The following TMEM54 variants were observed in gnomAD, a reference collection of about 807,000 sequenced individuals.
TMEM54 encodes the protein beta-casein-like protein.
A neutral mutation model predicts 21.3 loss-of-function variants in TMEM54; 21 were observed. The ratio of observed to expected loss-of-function variants is 0.99; its 90% CI spans 0.70 to 1.42. The LOEUF is 1.42. Among genes scored for constraint, TMEM54 ranks in the 40% most tolerant of loss-of-function variants. The pLI, the probability that TMEM54 is intolerant of heterozygous loss-of-function variation, is 0.00. For missense variants in TMEM54, 246 were observed against 294.0 expected, an observed-to-expected ratio of 0.84 and a Z score of 1.19; for synonymous variants, 109 against 125.0, an observed-to-expected ratio of 0.87 and a Z score of 0.86.
chr1:32,895,599 G>A lies in TMEM54; in HGVS notation c.415C>T (p.Leu139=), dbSNP rs1041966653. 1.4e-5 allele frequency: 22 copies of A among 1,580,766 alleles called. No individual in the cohort carries two copies. The highest frequency in any genetic ancestry group is 1.9e-5 in the Non-Finnish European group (22 of 1,163,188). The change falls in exon 4 of 6, where the codon CTG becomes TTG. Residue 139 remains leucine, a synonymous_variant. Coordinates refer to ENST00000373463, the MANE Select transcript of TMEM54 (RefSeq NM_033504.4). This position sits in a 1 kb window ranked among gnomAD's most constrained non-coding sequence, Gnocchi z 5.8. ...AACTFGSSEL[L]ALAPDCPFDP... is the part of the protein sequence containing the mutation. ...AAGGGACAGTCAGGTGCGAGGGCCA[G>A]TAGTTCAGAGCTCCCAAAAGTGCAG...
intron 1 of TMEM54, among the ~76,000 whole-genome samples, chr1:32,898,763 T>G (rs1641658764): frequency 6.6e-6 from 1 of 152,122 alleles, no homozygotes; most frequent in Admixed American, 6.5e-5. Context: ...GAGCCAGAGT[T>G]CATTGGGCAG....
chr1:32,897,813 A>C lies in TMEM54; in HGVS notation c.210+313T>G. The C allele has an allele frequency of 4.1e-6, 1 of 244,522 alleles. No homozygotes were observed. The highest frequency in any genetic ancestry group is 8.0e-6 in the Non-Finnish European group (1 of 125,496). 15.1% of individuals were successfully genotyped at this position (244,522 alleles called of 1,614,324 possible). ...TCTTCTGTCCAGTGGTGCTGTGGCT[A>C]TTCCTCGATGTAATAATCATCCTAG... On this transcript the variant is annotated intron_variant, in intron 2 of 5. Coordinates refer to ENST00000373463, the MANE Select transcript of TMEM54 (RefSeq NM_033504.4). The surrounding 1 kb of genome is among the most constrained non-coding windows in gnomAD (Gnocchi z 4.9).
chr1:32,895,160 G>C lies in TMEM54; in HGVS notation c.594+145C>G. The C allele has an allele frequency of 7.8e-7, 1 of 1,273,902 alleles. No homozygotes were observed. The highest frequency in any genetic ancestry group is 1.1e-6 in the Non-Finnish European group (1 of 940,758). 78.9% of individuals were successfully genotyped at this position (1,273,902 alleles called of 1,614,324 possible). On this transcript the variant is annotated intron_variant, in intron 5 of 5. Coordinates refer to ENST00000373463, the MANE Select transcript of TMEM54 (RefSeq NM_033504.4). This position sits in a 1 kb window ranked among gnomAD's most constrained non-coding sequence, Gnocchi z 5.8. ...AGATCTCACCTCTCCCAGCCTCCAGGCCTCTCCCTTTGCTCCTGGGGAGAA... is the reference window on the plus strand; with the variant it reads ...AGATCTCACCTCTCCCAGCCTCCAGCCCTCTCCCTTTGCTCCTGGGGAGAA...
At chr1:32,900,661 C>A (rs1038935852) in intron 1 of TMEM54, among the ~76,000 whole-genome samples, 3 of 152,228 alleles carry the variant, frequency 2.0e-5, no homozygotes, top group Non-Finnish European at 4.4e-5. Flanking sequence ...AACTGAGGCT[C>A]ACAAGGTCTC....
chr1:32,897,960 A>G lies in TMEM54; in HGVS notation c.210+166T>C. On this transcript the variant is annotated intron_variant, in intron 2 of 5. Coordinates refer to ENST00000373463, the MANE Select transcript of TMEM54 (RefSeq NM_033504.4). This position sits in a 1 kb window ranked among gnomAD's most constrained non-coding sequence, Gnocchi z 4.9. Reference sequence around the variant, plus strand: ...TAAACACTGTTACCATCTCCATTTGATAGATGAAGAAGTTGAGTGACTTGG... The same window carrying G: ...TAAACACTGTTACCATCTCCATTTGGTAGATGAAGAAGTTGAGTGACTTGG... 1.6e-6 allele frequency: 1 copy of G among 608,878 alleles called. No homozygotes were observed. The highest frequency in any genetic ancestry group is 2.9e-6 in the Non-Finnish European group (1 of 342,430). The allele number at this position is 608,878 out of a possible 1,614,324, so 37.7% of individuals were successfully genotyped here. A position where few individuals can be genotyped will look rare whatever the true frequency, so the allele number is the denominator to read the frequency against.
At position 32,896,637 on chromosome 1, in the gene TMEM54, G is replaced by A. The variant is rs904859227; in HGVS notation, c.211-668C>T. On this transcript the variant is annotated intron_variant, in intron 2 of 5. Transcript: ENST00000373463. This position sits in a 1 kb window ranked among gnomAD's most constrained non-coding sequence, Gnocchi z 4.1. ...TCCCTAACCAGCCTCGATCCCAAGG[G>A]GTGGGGCTACCCCACAGTTCAGCCC... Among the ~76,000 whole-genome samples, 2 of 152,198 alleles carry A rather than the reference G, an allele frequency of 1.3e-5. No individual in the cohort carries two copies. Among genetic ancestry groups the A allele is most frequent in the African/African-American group, 4.8e-5 (2 of 41,456 alleles).
intron 1 of TMEM54, among the ~76,000 whole-genome samples, chr1:32,899,738 C>G (rs1248579274): frequency 6.6e-6 from 1 of 152,194 alleles, no homozygotes; most frequent in African/African-American, 2.4e-5. Context: ...ACTGGACGCT[C>G]TGGGACATCT....
Position 32,895,922 on chromosome 1 carries a change from A to C in TMEM54, c.258T>G (p.Pro86=), listed in dbSNP as rs1641586637. The change falls in exon 3 of 6, where the codon CCT becomes CCG. Residue 86 remains proline (P), a synonymous_variant. Transcript: ENST00000373463. The surrounding 1 kb of genome is among the most constrained non-coding windows in gnomAD (Gnocchi z 5.8). ...AGGCACCACGTACCAGGGGGGTGCTAGGGAGGTAGCGTGACAACACGATGG... is the reference window on the plus strand; with the variant it reads ...AGGCACCACGTACCAGGGGGGTGCTCGGGAGGTAGCGTGACAACACGATGG... The part of the protein sequence containing the change: ...IAAIVLSRYL[P]STPLRWTVFS... 3 of 1,613,028 alleles carry C rather than the reference A, an allele frequency of 1.9e-6. No homozygotes were observed. In the Admixed American group the frequency reaches 5.0e-5, roughly 27 times the overall value.
intron 2 of TMEM54, 67 bp downstream of exon 2, chr1:32,898,059 C>A: frequency 6.9e-7 from 1 of 1,456,192 alleles, no homozygotes; most frequent in Non-Finnish European, 9.4e-7. Context: ...TGGGTGGGGA[C>A]CTGTTGAAGA....
Position 32,894,846 on chromosome 1 carries a change from C to CACGGCCCTCCACCAGCTCTGGGT in TMEM54, c.605_627dup (p.Asp210ThrfsTer11). 6.2e-7 allele frequency: 1 copy of CACGGCCCTCCACCAGCTCTGGGT among 1,612,266 alleles called. No individual in the cohort carries two copies. The highest frequency in any genetic ancestry group is 8.5e-7 in the Non-Finnish European group (1 of 1,178,532). On this transcript the variant is annotated frameshift_variant, in exon 6 of 6. Coordinates refer to ENST00000373463, the MANE Select transcript of TMEM54 (RefSeq NM_033504.4). LOFTEE classifies it high-confidence loss of function. ...TCAGAGCTGGTGCAGCTCAGCAGGT[C>CACGGCCCTCCACCAGCTCTGGGT]ACGGCCCTCCACCAGCTCTGGGTTC...
chr1:32,896,068 C>T lies in TMEM54; in HGVS notation c.211-99G>A. On this transcript the variant is annotated intron_variant, in intron 2 of 5. Coordinates refer to ENST00000373463, the MANE Select transcript of TMEM54 (RefSeq NM_033504.4). This position sits in a 1 kb window ranked among gnomAD's most constrained non-coding sequence, Gnocchi z 4.1. ...GGATAATGATCTCACCGGCGCCAACCATTGCCCTCCAGACTCCCCCACCCC... is the reference window on the plus strand; with the variant it reads ...GGATAATGATCTCACCGGCGCCAACTATTGCCCTCCAGACTCCCCCACCCC... The T allele has an allele frequency of 7.5e-7, 1 of 1,330,128 alleles. No homozygotes were observed. Among genetic ancestry groups the T allele is most frequent in the Non-Finnish European group, 1.0e-6 (1 of 976,656 alleles). The allele number at this position is 1,330,128 out of a possible 1,614,324, so 82.4% of individuals were successfully genotyped here. A position where few individuals can be genotyped will look rare whatever the true frequency, so the allele number is the denominator to read the frequency against.
rs975908047 is a variant in TMEM54, at chr1:32,901,028, G to T, written c.16+195C>A. Among the ~76,000 whole-genome samples the T allele has an allele frequency of 6.6e-6, 1 of 152,202 alleles. No homozygotes were observed. Among genetic ancestry groups the T allele is most frequent in the African/African-American group, 2.4e-5 (1 of 41,460 alleles). Reference sequence around the variant, plus strand: ...CAGCCACATCGAGAAGACACCCGCAGCGCTCCTCCCCTCCATTTCACTGCT... The same window carrying T: ...CAGCCACATCGAGAAGACACCCGCATCGCTCCTCCCCTCCATTTCACTGCT... On this transcript the variant is annotated intron_variant, in intron 1 of 5. Coordinates refer to ENST00000373463, the MANE Select transcript of TMEM54 (RefSeq NM_033504.4). This position sits in a 1 kb window ranked among gnomAD's most constrained non-coding sequence, Gnocchi z 4.2.
At position 32,897,933 on chromosome 1, in the gene TMEM54, G is replaced by C; in HGVS notation, c.210+193C>G. The C allele has an allele frequency of 1.8e-6, 1 of 566,774 alleles. No individual in the cohort carries two copies. The highest frequency in any genetic ancestry group is 3.2e-6 in the Non-Finnish European group (1 of 314,438). 35.1% of individuals were successfully genotyped at this position (566,774 alleles called of 1,614,324 possible). ...ATCAGTACCCATTAGGACCCTCAGAGGTAAACACTGTTACCATCTCCATTT... is the reference window on the plus strand; with the variant it reads ...ATCAGTACCCATTAGGACCCTCAGACGTAAACACTGTTACCATCTCCATTT... On this transcript the variant is annotated intron_variant, in intron 2 of 5. Coordinates refer to ENST00000373463, the MANE Select transcript of TMEM54 (RefSeq NM_033504.4). This position sits in a 1 kb window ranked among gnomAD's most constrained non-coding sequence, Gnocchi z 4.9.
At chr1:32,894,995 G>T (rs1641550811) in intron 5 of TMEM54, 116 bp from the exon 6 acceptor site, 2 of 1,495,420 alleles carry the variant, frequency 1.3e-6, no homozygotes, top group African/African-American at 2.8e-5. Context: ...GGGCAAAGGG[G>T]CATCACTACC....
rs1183277026 is a variant in TMEM54 at position 32,894,668 on chromosome 1, A to G, written c.*137T>C. ...TGCAGTGGGCTGGGTGGTGGGGGAG[A>G]GGGTTGAAAGCCCCACTTGGGTCCC... On this transcript the variant is annotated 3_prime_UTR_variant, in exon 6 of 6. Coordinates refer to ENST00000373463, the MANE Select transcript of TMEM54 (RefSeq NM_033504.4). The G allele has an allele frequency of 1.3e-5, 14 of 1,110,826 alleles. No homozygotes were observed. Among genetic ancestry groups the G allele is most frequent in the Non-Finnish European group, 1.5e-5 (12 of 776,118 alleles). 68.8% of individuals were successfully genotyped at this position (1,110,826 alleles called of 1,614,324 possible). A position where few individuals can be genotyped will look rare whatever the true frequency, so the allele number is the denominator to read the frequency against.
Position 32,895,392 on chromosome 1 carries a change from C to G in TMEM54, c.507G>C (p.Ala169=), listed in dbSNP as rs200781061. Residue 169 remains alanine, a synonymous_variant, in exon 5 of 6, where the codon GCG becomes GCC. Transcript: ENST00000373463. This position sits in a 1 kb window ranked among gnomAD's most constrained non-coding sequence, Gnocchi z 5.8. ...CACAGCGTACAGCAAACACGTTCTC[C>G]GCCACGCAGAGCACTAGGGCGATGC... is the stretch of plus-strand genomic sequence containing the variant. ...LWGIALVLCV[A]ENVFAVRCAQ... 1 of 1,614,040 alleles carries G rather than the reference C, an allele frequency of 6.2e-7. No homozygotes were observed. Among genetic ancestry groups the G allele is most frequent in the Non-Finnish European group, 8.5e-7 (1 of 1,179,950 alleles).
chr1:32,901,324 G>A lies in TMEM54; in HGVS notation c.-86C>T. 1 of 1,166,074 alleles carries A rather than the reference G, an allele frequency of 8.6e-7. No homozygotes were observed. The highest frequency in any genetic ancestry group is 4.2e-5 in the South Asian group (1 of 23,910). The allele number at this position is 1,166,074 out of a possible 1,614,324, so 72.2% of individuals were successfully genotyped here. A position where few individuals can be genotyped will look rare whatever the true frequency, so the allele number is the denominator to read the frequency against. ...GGGGGACCCTGCTCCCATCCCGCTG[G>A]CCCGTCGCCCGCGCGCCCCGCACCG... On this transcript the variant is annotated 5_prime_UTR_variant, in exon 1 of 6. Coordinates refer to ENST00000373463, the MANE Select transcript of TMEM54 (RefSeq NM_033504.4). This position sits in a 1 kb window ranked among gnomAD's most constrained non-coding sequence, Gnocchi z 4.2.
chr1:32,898,275 C>T lies in TMEM54; in HGVS notation c.61G>A (p.Gly21Ser), dbSNP rs1487016185. Residue 21 changes from glycine to serine, a missense_variant, in exon 2 of 6, where the codon GGC becomes AGC. By Grantham distance (56) the Gly-to-Ser change is moderately conservative. Transcript: ENST00000373463. Reference protein sequence around the residue: ...GDFRKVLMKTGLVLVVLGHVS... With the variant: ...GDFRKVLMKTSLVLVVLGHVS... Reference sequence around the variant, plus strand: ...TGGCCCAGCACCACCAGCACCAGGCCTGTCTTCATCAGCACCTTCCGGAAG... The same window carrying T: ...TGGCCCAGCACCACCAGCACCAGGCTTGTCTTCATCAGCACCTTCCGGAAG... The T allele has an allele frequency of 6.2e-7, 1 of 1,611,124 alleles. No individual in the cohort carries two copies. The highest frequency in any genetic ancestry group is 1.3e-5 in the African/African-American group (1 of 74,904).
Position 32,901,192 on chromosome 1 carries a change from C to T in TMEM54, c.16+31G>A, listed in dbSNP as rs1045645097. 1.4e-6 allele frequency: 2 copies of T among 1,481,244 alleles called. No homozygotes were observed. Among genetic ancestry groups the T allele is most frequent in the Admixed American group, 1.9e-5 (1 of 51,932 alleles). 91.8% of individuals were successfully genotyped at this position (1,481,244 alleles called of 1,614,324 possible). A position where few individuals can be genotyped will look rare whatever the true frequency, so the allele number is the denominator to read the frequency against. ...CTCCTGTGGGAGGGTTGGGGTGGTT[C>T]GGGGCCTCCCGCGCGCCCCCAGTCG... On this transcript the variant is annotated intron_variant, in intron 1 of 5. Transcript: ENST00000373463. The surrounding 1 kb of genome is among the most constrained non-coding windows in gnomAD (Gnocchi z 4.2).
Sources: allele counts gnomAD v4.1 joint callset (sites outside exome capture counted in the v4.1 genomes callset), GRCh38; gene constraint gnomAD v4.1.1; non-coding constraint Gnocchi (gnomAD v3.1); transcripts MANE v1.5; gene names NCBI Gene and HGNC (gene_info 2026-07-23, HGNC 2026-07-21).